The following XPO7 variants were observed in gnomAD, a reference collection of about 807,000 sequenced individuals.
The protein encoded by XPO7 is exportin-7.
Under a neutral mutation model 144.3 loss-of-function variants are expected in XPO7, and 21 were observed. That is an observed-to-expected ratio of 0.15 (90% CI 0.10 to 0.21). The LOEUF (loss-of-function observed/expected upper bound fraction) is 0.21, where lower values mean the gene tolerates loss of function less well. Among genes scored for constraint, XPO7 ranks in the 10% least tolerant of loss-of-function variants. The probability of loss-of-function intolerance (pLI) is 1.00; values close to 1 mark genes in which losing one functional copy is unlikely to be tolerated. For synonymous variants in XPO7, 580 were observed against 499.6 expected (o/e 1.16, Z -2.15); for missense variants, 808 against 1,325.8 (o/e 0.61, Z 6.06).
intron 1 of XPO7, among the ~76,000 whole-genome samples, chr8:21,957,802 T>C (rs1811588138): frequency 1.3e-5 from 2 of 152,332 alleles, no homozygotes; most frequent in South Asian, 4.1e-4. Flanking sequence ...ATTATAGGCA[T>C]GCACAACCAT....
At position 21,938,197 on chromosome 8, in the gene XPO7, A is replaced by G. The variant is rs377604746; in HGVS notation, c.18+18409A>G. ...AAACCACAGAACCAGTTACATTCAA[A>G]TTAGCAACATATATTTAATATGTTA... On this transcript the variant is annotated intron_variant, in intron 1 of 27. Transcript: ENST00000252512. Among the ~76,000 whole-genome samples the G allele has an allele frequency of 5.3e-5, 8 of 152,350 alleles. No individual in the cohort carries two copies. The East Asian group carries it at 1.3e-3, about 26-fold the overall frequency.
chr8:21,954,548 C>T (rs1457894393), intron 1 of XPO7, among the ~76,000 whole-genome samples: 2 of 152,036 alleles, frequency 1.3e-5, no homozygotes, highest in African/African-American at 2.4e-5. Context: ...GCAGGAGAAT[C>T]GCTTGAACCC....
Position 21,985,659 on chromosome 8 carries a change from G to A in XPO7, c.1545G>A (p.Glu515=). The A allele has an allele frequency of 6.2e-7, 1 of 1,613,754 alleles. No homozygotes were observed. Among genetic ancestry groups the A allele is most frequent in the Non-Finnish European group, 8.5e-7 (1 of 1,179,880 alleles). Residue 515 remains glutamate (E), a synonymous_variant, in exon 13 of 28, where the codon GAG becomes GAA. Coordinates refer to ENST00000252512, the MANE Select transcript of XPO7 (RefSeq NM_015024.5). ...GGRVSFASTD[E]QDAMDGELVC... Reference sequence around the variant, plus strand: ...GGGTTTCTTTTGCCAGCACTGATGAGCAAGACGCCATGGATGGTGAGCTTG... The same window carrying A: ...GGGTTTCTTTTGCCAGCACTGATGAACAAGACGCCATGGATGGTGAGCTTG...
chr8:21,961,359 G>A (rs1014450112), intron 1 of XPO7, among the ~76,000 whole-genome samples: 3 of 151,908 alleles, frequency 2.0e-5, no homozygotes, highest in Non-Finnish European at 4.4e-5. Flanking sequence ...ACAAGGGCAC[G>A]CTACCACACC....
At chr8:21,944,079 C>T (rs970314428) in intron 1 of XPO7, among the ~76,000 whole-genome samples, 4 of 152,070 alleles carry the variant, frequency 2.6e-5, no homozygotes, top group African/African-American at 4.8e-5. Flanking sequence ...CTCAAATATT[C>T]GTTGAATCAT....
At chr8:21,974,538 T>C (rs1191320558) in intron 5 of XPO7, 132 bp from the exon 6 acceptor site, 2 of 633,520 alleles carry the variant, frequency 3.2e-6, no homozygotes, top group Admixed American at 3.4e-5. Flanking sequence ...TTCACAATAA[T>C]TTAAATGTTA....
At chr8:21,977,119 A>G (rs1812248892) in intron 7 of XPO7, among the ~76,000 whole-genome samples, 1 of 152,246 alleles carries the variant, frequency 6.6e-6, no homozygotes, top group African/African-American at 2.4e-5. Flanking sequence ...GGTAATAACT[A>G]TCTTTAAAAA....
intron 1 of XPO7, among the ~76,000 whole-genome samples, chr8:21,940,855 G>A (rs1810967735): frequency 6.6e-6 from 1 of 152,102 alleles, no homozygotes; most frequent in Non-Finnish European, 1.5e-5. Flanking sequence ...TAGAACCTCA[G>A]TCTGATCCAA....
chr8:21,964,759 TCAAAACAAAA>T (rs1285540724), intron 1 of XPO7, among the ~76,000 whole-genome samples: 1 of 152,138 alleles, frequency 6.6e-6, no homozygotes, highest in East Asian at 1.9e-4. Context: ...TTAAAGCAAA[TCAAAACAAAA>T]CAACAACAAA....
intron 1 of XPO7, among the ~76,000 whole-genome samples, chr8:21,933,096 ATTTTT>A (rs34592897): frequency 9.0e-6 from 1 of 110,780 alleles, no homozygotes. Flanking sequence ...CTTTTGCTGG[ATTTTT>A]TTTTTTTTTT....
At chr8:21,989,866 T>TTTTTTTTTTTTTTTTG (rs1812707632) in intron 16 of XPO7, among the ~76,000 whole-genome samples, 1 of 104,314 alleles carries the variant, frequency 9.6e-6, no homozygotes, top group Non-Finnish European at 1.8e-5. Flanking sequence ...TTTTTTTTTT[T>TTTTTTTTTTTTTTTTG]TGAGATGGAG....
chr8:21,961,284 A>G (rs1198266092), intron 1 of XPO7, among the ~76,000 whole-genome samples: 1 of 150,204 alleles, frequency 6.7e-6, no homozygotes, highest in Non-Finnish European at 1.5e-5. Context: ...ATCACAGCTC[A>G]CTGCAGTCTT....
chr8:21,997,562 T>C (rs907311191), intron 21 of XPO7, among the ~76,000 whole-genome samples: 2 of 152,124 alleles, frequency 1.3e-5, no homozygotes, highest in East Asian at 3.9e-4. Flanking sequence ...AGGAGCCTGG[T>C]TGGTGGGGGG....
At chr8:21,920,053 G>T (rs1034195094) in intron 1 of XPO7, among the ~76,000 whole-genome samples, 9 of 151,772 alleles carry the variant, frequency 5.9e-5, no homozygotes, top group African/African-American at 2.2e-4. Flanking sequence ...GGCGCGCGCA[G>T]CCCACAACGT....
intron 24 of XPO7, among the ~76,000 whole-genome samples, chr8:22,000,793 C>G (rs1210415200): frequency 6.6e-6 from 1 of 152,154 alleles, no homozygotes; most frequent in Admixed American, 6.5e-5. Flanking sequence ...GAATAAAACA[C>G]ATTTTTATAT....
In XPO7 at chr8:21,999,585, C is replaced by T; in HGVS notation, c.2693C>T (p.Thr898Ile). 1 of 1,614,020 alleles carries T rather than the reference C, an allele frequency of 6.2e-7. No individual in the cohort carries two copies. Among genetic ancestry groups the T allele is most frequent in the Non-Finnish European group, 8.5e-7 (1 of 1,179,890 alleles). The change falls in exon 24 of 28, where the codon ACC becomes ATC. Residue 898 changes from threonine (T) to isoleucine (I), a missense_variant. Thr to Ile is a moderately conservative substitution (Grantham distance 89, BLOSUM62 -1). Around this residue, in one of 5 missense-constraint regions of XPO7, gnomAD observed 3 missense variants for 20.9 expected, o/e 0.14. Coordinates refer to ENST00000252512, the MANE Select transcript of XPO7 (RefSeq NM_015024.5). ...QSYYSLLEVL[T>I]QDHMNFIASL... ...TATTATTCACTACTGGAAGTCCTGA[C>T]CCAGGACCATATGAACTTTATTGCA...
chr8:21,980,064 G>T lies in XPO7; in HGVS notation c.838-20G>T. On this transcript the variant is annotated intron_variant, in intron 8 of 27. Transcript: ENST00000252512. ...TACAGTCTTTTTAATCGTTGTGTTT[G>T]GGTTCTGCCCTGCATTTAGGTATTA... 2.6e-6 allele frequency: 4 copies of T among 1,552,156 alleles called. No homozygotes were observed. The highest frequency in any genetic ancestry group is 3.5e-6 in the Non-Finnish European group (4 of 1,146,508).
chr8:21,977,960 G>C, intron 8 of XPO7, 117 bp downstream of exon 8: 1 of 821,522 alleles, frequency 1.2e-6, no homozygotes. Flanking sequence ...AGAAATACTA[G>C]GCTAGTTATC....
chr8:22,005,163 G>A lies in XPO7; in HGVS notation c.*75G>A. 2 of 1,273,538 alleles carry A rather than the reference G, an allele frequency of 1.6e-6. No homozygotes were observed. The highest frequency in any genetic ancestry group is 2.2e-6 in the Non-Finnish European group (2 of 910,040). 78.9% of individuals were successfully genotyped at this position (1,273,538 alleles called of 1,614,324 possible). On this transcript the variant is annotated 3_prime_UTR_variant, in exon 28 of 28. Transcript: ENST00000252512. Reference sequence around the variant, plus strand: ...CAGAGGGGCGAACAATTGCAAGGGAGAGGGCCTGGCTGATCCTGGCTCTTT... The same window carrying A: ...CAGAGGGGCGAACAATTGCAAGGGAAAGGGCCTGGCTGATCCTGGCTCTTT...
Sources: allele counts gnomAD v4.1 joint callset (sites outside exome capture counted in the v4.1 genomes callset), GRCh38; gene constraint gnomAD v4.1.1; regional missense constraint gnomAD v4.1.1; transcripts MANE v1.5; gene names NCBI Gene and HGNC (gene_info 2026-07-23, HGNC 2026-07-21).